Variants in SETDB2 observed in about 807,000 individuals in gnomAD.
SETDB2 encodes the protein histone-lysine N-methyltransferase SETDB2.
SETDB2 carries 56 observed loss-of-function variants against 82.5 expected under a neutral mutation model. The observed-to-expected ratio is 0.68, with a 90% CI of 0.55 to 0.85. SETDB2 has a LOEUF of 0.85. Among genes scored for constraint, SETDB2 ranks in the 40% least tolerant of loss-of-function variants. SETDB2 has a pLI of 0.00. For synonymous variants in SETDB2, 272 were observed against 284.9 expected (o/e 0.95, Z 0.46); for missense variants, 677 against 816.4 (o/e 0.83, Z 2.08).
chr13:49,457,258 A>G (rs1490684243), intron 2 of SETDB2, among the ~76,000 whole-genome samples: 3 of 137,896 alleles, frequency 2.2e-5, no homozygotes, highest in African/African-American at 8.5e-5. Context: ...TGTTTTATTA[A>G]TCGGTTCCAA....
chr13:49,488,397 T>G lies in SETDB2; in HGVS notation c.1684T>G (p.Cys562Gly), dbSNP rs760690555. The part of the protein sequence containing the change: ...YREETPPRSR[C>G]NQATTLDNQN... ...AGAAGAAACTCCACCAAGGAGCAGA[T>G]GTAACCAGGCGACCACATTGGATAA... The change falls in exon 12 of 14, where the codon TGT (cysteine) becomes GGT (glycine). Residue 562 changes from cysteine to glycine, a missense_variant. Cys to Gly is a radical substitution (Grantham distance 159, BLOSUM62 -3). Around this residue, in one of 3 missense-constraint regions of SETDB2, gnomAD observed 420 missense variants for 554.6 expected, o/e 0.76. Transcript: ENST00000611815. 5.0e-6 allele frequency: 8 copies of G among 1,613,930 alleles called. No homozygotes were observed. The highest frequency in any genetic ancestry group is 6.8e-6 in the Non-Finnish European group (8 of 1,179,992).
chr13:49,450,824 TG>T (rs111696246), intron 1 of SETDB2, among the ~76,000 whole-genome samples: 1 of 152,148 alleles, frequency 6.6e-6, no homozygotes, highest in African/African-American at 2.4e-5. Context: ...CCTCCAGATA[TG>T]TTATCCTAGG....
At chr13:49,473,588 G>A (rs941922834) in intron 5 of SETDB2, among the ~76,000 whole-genome samples, 4 of 148,294 alleles carry the variant, frequency 2.7e-5, no homozygotes, top group Non-Finnish European at 4.5e-5. Flanking sequence ...TAGGCAAAAT[G>A]TCAAATGACA....
At chr13:49,454,096 C>T (rs1239256963) in intron 2 of SETDB2, among the ~76,000 whole-genome samples, 2 of 152,094 alleles carry the variant, frequency 1.3e-5, no homozygotes, top group Non-Finnish European at 2.9e-5. Flanking sequence ...CTTAATTGTT[C>T]AATTCCAGTA....
intron 10 of SETDB2, 99 bp from the exon 11 acceptor site, chr13:49,485,530 AC>A (rs1350614442): frequency 2.3e-6 from 2 of 878,414 alleles, no homozygotes; most frequent in African/African-American, 3.4e-5. Flanking sequence ...CGAATCTAGT[AC>A]ATATAGCCTA....
intron 5 of SETDB2, among the ~76,000 whole-genome samples, chr13:49,472,551 C>T (rs1958271881): frequency 6.6e-6 from 1 of 152,132 alleles, no homozygotes; most frequent in Non-Finnish European, 1.5e-5. Flanking sequence ...GTTTACAATA[C>T]TGTGCATAGA....
intron 12 of SETDB2, among the ~76,000 whole-genome samples, chr13:49,490,040 G>A (rs1182374771): frequency 6.7e-6 from 1 of 148,830 alleles, no homozygotes; most frequent in African/African-American, 2.5e-5. Context: ...ACTTTGGGAA[G>A]CCAAGGCAGG....
At chr13:49,466,863 TCAGGGGGGCC>T (rs1958126064) in intron 4 of SETDB2, among the ~76,000 whole-genome samples, 1 of 147,274 alleles carries the variant, frequency 6.8e-6, no homozygotes. Flanking sequence ...GTTCTGTTGC[TCAGGGGGGCC>T]TTAAACTCCT....
In SETDB2 at chr13:49,490,930, T is replaced by C; in HGVS notation, c.2006+20T>C. 6.3e-7 allele frequency: 1 copy of C among 1,581,050 alleles called. No homozygotes were observed. ...CAACAGGTTTGAAATTGATTTCGCTTACTTAATTCTGAAATTGTGACTTTA... is the reference window on the plus strand; with the variant it reads ...CAACAGGTTTGAAATTGATTTCGCTCACTTAATTCTGAAATTGTGACTTTA... On this transcript the variant is annotated intron_variant, in intron 13 of 13. Coordinates refer to ENST00000611815, the MANE Select transcript of SETDB2 (RefSeq NM_001160308.3).
chr13:49,490,541 G>A (rs1417993796), intron 12 of SETDB2, among the ~76,000 whole-genome samples: 2 of 152,102 alleles, frequency 1.3e-5, no homozygotes, highest in East Asian at 1.9e-4. Context: ...TGAGATTGCA[G>A]AATCAAAAGA....
At chr13:49,451,510 G>A (rs1430234907) in intron 1 of SETDB2, 43 bp from the exon 2 acceptor site, 2 of 127,552 alleles carry the variant, frequency 1.6e-5, no homozygotes, top group African/African-American at 2.8e-5. Flanking sequence ...TATATATGTG[G>A]TCCTTTACAA....
intron 2 of SETDB2, among the ~76,000 whole-genome samples, chr13:49,453,218 C>T (rs1957815308): frequency 6.6e-6 from 1 of 152,060 alleles, no homozygotes; most frequent in African/African-American, 2.4e-5. Context: ...TTTTGAGTTA[C>T]AAGCCAGTAC....
At chr13:49,444,991 T>A (rs894199106) in intron 1 of SETDB2, 134 bp downstream of exon 1, 1 of 152,236 alleles carries the variant, frequency 6.6e-6, no homozygotes, top group Non-Finnish European at 1.5e-5. Flanking sequence ...GAAAGATATG[T>A]AATTAACTGT....
chr13:49,484,344 A>T (rs934913700), intron 10 of SETDB2, among the ~76,000 whole-genome samples: 8 of 152,202 alleles, frequency 5.3e-5, no homozygotes, highest in Non-Finnish European at 8.8e-5. Context: ...ATCTCAGCTT[A>T]TTGCAACCTC....
chr13:49,482,136 C>T (rs998769913), intron 8 of SETDB2: 1 of 985,238 alleles, frequency 1.0e-6, no homozygotes, highest in Non-Finnish European at 1.2e-6. Flanking sequence ...CAGGAAGTAT[C>T]ATTGGTTTTA....
chr13:49,479,081 G>C (rs981038439), intron 6 of SETDB2, among the ~76,000 whole-genome samples: 8 of 152,110 alleles, frequency 5.3e-5, no homozygotes, highest in African/African-American at 1.9e-4. Context: ...AATACCTATA[G>C]TAAATTTTTT....
At chr13:49,466,046 C>T (rs1958107394) in intron 4 of SETDB2, among the ~76,000 whole-genome samples, 1 of 152,194 alleles carries the variant, frequency 6.6e-6, no homozygotes. Context: ...CTGTTGATTA[C>T]ACTCTAAGTG....
chr13:49,485,548 T>C (rs559360593), intron 10 of SETDB2, 82 bp from the exon 11 acceptor site: 19 of 1,053,590 alleles, frequency 1.8e-5, no homozygotes, highest in African/African-American at 6.3e-5. Flanking sequence ...CCTATGATGA[T>C]TGACACTTGA....
intron 1 of SETDB2, among the ~76,000 whole-genome samples, chr13:49,447,225 T>C (rs1957707419): frequency 6.6e-6 from 1 of 152,162 alleles, no homozygotes; most frequent in Non-Finnish European, 1.5e-5. Context: ...GAAGTCTCTT[T>C]GGTGTGTATG....
Sources: allele counts gnomAD v4.1 joint callset (sites outside exome capture counted in the v4.1 genomes callset), GRCh38; gene constraint gnomAD v4.1.1; regional missense constraint gnomAD v4.1.1; transcripts MANE v1.5; gene names NCBI Gene and HGNC (gene_info 2026-07-23, HGNC 2026-07-21).